FSIP1: variants seen among roughly 807,000 people sequenced by gnomAD.
FSIP1 encodes fibrous sheath interacting protein 1.
Under a neutral mutation model 60.9 loss-of-function variants are expected in FSIP1, and 65 were observed. That is an observed-to-expected ratio of 1.07 (90% CI 0.87 to 1.31). The LOEUF (loss-of-function observed/expected upper bound fraction) is 1.31, where lower values mean the gene tolerates loss of function less well. Among genes scored for constraint, FSIP1 ranks in the 40% most tolerant of loss-of-function variants. The pLI is 0.00. For missense variants in FSIP1, 675 were observed against 665.5 expected (o/e 1.01, Z -0.16); for synonymous variants, 209 against 221.2 (o/e 0.94, Z 0.49).
At chr15:39,704,810 G>T (rs1466855826) in intron 10 of FSIP1, among the ~76,000 whole-genome samples, 1 of 152,166 alleles carries the variant, frequency 6.6e-6, no homozygotes, top group African/African-American at 2.4e-5. Flanking sequence ...AATGACAAGA[G>T]CATGTCGAAA....
rs35512322 is a variant in FSIP1, at chr15:39,614,644, C to CAA, written c.1699+3089_1699+3090dup. On this transcript the variant is annotated intron_variant, in intron 11 of 11. Coordinates refer to ENST00000350221, the MANE Select transcript of FSIP1 (RefSeq NM_152597.5). ...TGGGTGACAGGGCAAGACTCCATCTCAAAAAAAAAAAAAAAAAAAGAAGAT... is the reference window on the plus strand; with the variant it reads ...TGGGTGACAGGGCAAGACTCCATCTCAAAAAAAAAAAAAAAAAAAAAGAAGAT... Among the ~76,000 whole-genome samples, 10 of 96,300 alleles carry CAA rather than the reference C, an allele frequency of 1.0e-4. No homozygotes were observed. In the South Asian group the frequency reaches 2.6e-3, roughly 25 times the overall value. 63.2% of individuals were successfully genotyped at this position (96,300 alleles called of 152,430 possible).
At chr15:39,733,655 G>A (rs1452496401) in intron 8 of FSIP1, among the ~76,000 whole-genome samples, 2 of 152,128 alleles carry the variant, frequency 1.3e-5, no homozygotes, top group African/African-American at 2.4e-5. Flanking sequence ...CAGCTTGGCC[G>A]CTGAGATGCA....
chr15:39,607,210 G>A (rs966843572), intron 11 of FSIP1, among the ~76,000 whole-genome samples: 27 of 152,180 alleles, frequency 1.8e-4, no homozygotes, highest in African/African-American at 5.3e-4. Flanking sequence ...TCCATGCTTC[G>A]CTCCTCCACC....
At chr15:39,731,067 T>C (rs1423696306) in intron 8 of FSIP1, among the ~76,000 whole-genome samples, 1 of 152,212 alleles carries the variant, frequency 6.6e-6, no homozygotes, top group Non-Finnish European at 1.5e-5. Flanking sequence ...TGTCACACTA[T>C]TTATAATAAA....
chr15:39,652,828 T>A (rs906678006), intron 10 of FSIP1, among the ~76,000 whole-genome samples: 1 of 152,158 alleles, frequency 6.6e-6, no homozygotes, highest in African/African-American at 2.4e-5. Flanking sequence ...TACAACAAAA[T>A]GGTAAATATT....
intron 5 of FSIP1, among the ~76,000 whole-genome samples, chr15:39,759,137 C>A (rs1034097996): frequency 2.0e-4 from 30 of 150,958 alleles, no homozygotes; most frequent in Non-Finnish European, 2.1e-4. Context: ...AGCAGAGTAC[C>A]AATGAATGAT....
chr15:39,677,598 A>T (rs980153665), intron 10 of FSIP1, among the ~76,000 whole-genome samples: 1 of 152,252 alleles, frequency 6.6e-6, no homozygotes, highest in Non-Finnish European at 1.5e-5. Context: ...ACAAAGACAC[A>T]TATACAGGAT....
chr15:39,719,805 T>A lies in FSIP1; in HGVS notation c.1051-6224A>T, dbSNP rs149218478. Reference sequence around the variant, plus strand: ...TAAAATGAAGGAAACCTTGACTACATCAGAAGCTTAACAGAGGAAAGCAAA... The same window carrying A: ...TAAAATGAAGGAAACCTTGACTACAACAGAAGCTTAACAGAGGAAAGCAAA... On this transcript the variant is annotated intron_variant, in intron 9 of 11. Coordinates refer to ENST00000350221, the MANE Select transcript of FSIP1 (RefSeq NM_152597.5). Among the ~76,000 whole-genome samples, 842 of 152,294 alleles carry A rather than the reference T, an allele frequency of 5.5e-3. 10 individuals are homozygous for A. The highest frequency in any genetic ancestry group is 0.02 in the African/African-American group (812 of 41,566).
At chr15:39,673,044 C>A (rs1029736926) in intron 10 of FSIP1, among the ~76,000 whole-genome samples, 19 of 152,198 alleles carry the variant, frequency 1.2e-4, no homozygotes, top group African/African-American at 4.6e-4. Context: ...ACTGAGACCA[C>A]AGGATAATCA....
At chr15:39,739,349 G>C (rs1317588717) in intron 7 of FSIP1, among the ~76,000 whole-genome samples, 1 of 152,148 alleles carries the variant, frequency 6.6e-6, no homozygotes, top group Non-Finnish European at 1.5e-5. Context: ...TAAAATCTGA[G>C]AAACATTGTC....
intron 11 of FSIP1, among the ~76,000 whole-genome samples, chr15:39,603,375 G>A (rs1177521662): frequency 6.6e-6 from 1 of 152,174 alleles, no homozygotes; most frequent in Admixed American, 6.5e-5. Context: ...ATCTGGGATG[G>A]AACCAAGCTG....
At chr15:39,740,427 G>A (rs1033062645) in intron 6 of FSIP1, among the ~76,000 whole-genome samples, 5 of 152,118 alleles carry the variant, frequency 3.3e-5, no homozygotes, top group Non-Finnish European at 7.4e-5. Context: ...TTGTGGACTC[G>A]TATTCCCTTT....
Position 39,780,325 on chromosome 15 carries a change from A to C in FSIP1, c.-8+2303T>G, listed in dbSNP as rs557843779. ...GATCACGAGGTCAGGAGGATCAAGA[A>C]CACCCTGGCTAACACGGTGAAACCC... On this transcript the variant is annotated intron_variant, in intron 1 of 11. Transcript: ENST00000350221. 2.4e-3 allele frequency among the ~76,000 whole-genome samples: 365 copies of C among 152,220 alleles called. 3 individuals are homozygous for C. Among genetic ancestry groups the C allele is most frequent in the Middle Eastern group, 3.4e-3 (1 of 294 alleles).
At chr15:39,766,033 G>C (rs533941711) in intron 3 of FSIP1, among the ~76,000 whole-genome samples, 1 of 152,130 alleles carries the variant, frequency 6.6e-6, no homozygotes, top group Non-Finnish European at 1.5e-5. Context: ...AGTGATCCTC[G>C]TGATTTTAAA....
At chr15:39,603,890 G>C (rs78120737) in intron 11 of FSIP1, among the ~76,000 whole-genome samples, 1 of 152,078 alleles carries the variant, frequency 6.6e-6, no homozygotes, top group Admixed American at 6.5e-5. Context: ...AATCACCTGC[G>C]GGGTATCTTA....
chr15:39,742,599 G>A (rs1896842924), intron 5 of FSIP1, among the ~76,000 whole-genome samples: 1 of 152,114 alleles, frequency 6.6e-6, no homozygotes, highest in Non-Finnish European at 1.5e-5. Context: ...CACAGAAATG[G>A]TTTTGCCTCA....
intron 10 of FSIP1, among the ~76,000 whole-genome samples, chr15:39,642,280 G>A (rs775716437): frequency 3.3e-5 from 5 of 152,152 alleles, no homozygotes; most frequent in Admixed American, 6.5e-5. Context: ...GAGTCTTAAC[G>A]CAAGTTTCCC....
chr15:39,616,284 A>G (rs1051221131), intron 11 of FSIP1, among the ~76,000 whole-genome samples: 3 of 152,220 alleles, frequency 2.0e-5, no homozygotes, highest in Non-Finnish European at 2.9e-5. Context: ...TTTATTTATT[A>G]AACAGGCACT....
rs574114125 is a variant in FSIP1 at position 39,754,708 on chromosome 15, C to T, written c.559+9113G>A. 5.3e-5 allele frequency among the ~76,000 whole-genome samples: 8 copies of T among 151,834 alleles called. No individual in the cohort carries two copies. The South Asian group carries it at 1.5e-3, about 28-fold the overall frequency. On this transcript the variant is annotated intron_variant, in intron 5 of 11. Coordinates refer to ENST00000350221, the MANE Select transcript of FSIP1 (RefSeq NM_152597.5). ...AAACCATTAACTAAAGCAGAGAAAA[C>T]ATATAAAAGAAGGAATAAGTTTCAA...
Sources: gnomAD v4.1 joint callset for allele counts (sites outside exome capture counted in the v4.1 genomes callset) on GRCh38, gnomAD v4.1.1 for gene constraint, MANE v1.5 for transcripts, NCBI Gene and HGNC (gene_info 2026-07-23, HGNC 2026-07-21) for gene names.